Variants in TMTC3 observed in about 807,000 individuals in gnomAD.
TMTC3 encodes protein O-mannosyl-transferase TMTC3.
TMTC3 carries 52 observed loss-of-function variants against 92.2 expected under a neutral mutation model. The ratio of observed to expected loss-of-function variants is 0.56; its 90% confidence interval spans 0.45 to 0.71. The LOEUF (loss-of-function observed/expected upper bound fraction) is 0.71, where lower values mean the gene tolerates loss of function less well. Ranked by LOEUF, TMTC3 falls within the 30% of genes least tolerant of loss-of-function variation. The probability of loss-of-function intolerance (pLI) is 0.00; values close to 1 mark genes in which losing one functional copy is unlikely to be tolerated. For missense variants in TMTC3, 896 were observed against 1,057.1 expected, an observed-to-expected ratio of 0.85 and a Z score of 2.11; for synonymous variants, 339 against 363.3, an observed-to-expected ratio of 0.93 and a Z score of 0.76.
intron 4 of TMTC3, among the ~76,000 whole-genome samples, chr12:88,156,811 GTTT>G (rs56284816): frequency 7.3e-6 from 1 of 136,754 alleles, no homozygotes; most frequent in African/African-American, 2.7e-5. Context: ...GTGTGTGTGT[GTTT>G]TTTTTTTTTT....
intron 1 of TMTC3, among the ~76,000 whole-genome samples, chr12:88,144,223 A>C (rs2040843548): frequency 6.6e-6 from 1 of 152,180 alleles, no homozygotes; most frequent in Non-Finnish European, 1.5e-5. Context: ...AATGCAGCCC[A>C]GTAGGTCTCA....
chr12:88,152,780 G>T (rs2040958536), intron 2 of TMTC3, among the ~76,000 whole-genome samples: 1 of 152,102 alleles, frequency 6.6e-6, no homozygotes, highest in Non-Finnish European at 1.5e-5. Flanking sequence ...AATATATTCA[G>T]ATTTACACAT....
At position 88,177,199 on chromosome 12, in the gene TMTC3, G is replaced by A. The variant is rs559179758; in HGVS notation, c.1432+880G>A. Among the ~76,000 whole-genome samples, 9 of 151,972 alleles carry A rather than the reference G, an allele frequency of 5.9e-5. No homozygotes were observed. In the South Asian group the frequency reaches 1.2e-3, roughly 21 times the overall value. The stretch of plus-strand genomic sequence containing the variant: ...AAATTAGCCAGGTATTGTGGTGGGC[G>A]CCTGTAATTCCAGCTACTTAGGTGG... On this transcript the variant is annotated intron_variant, in intron 10 of 13. Transcript: ENST00000266712.
At chr12:88,192,567 ATGT>A (rs1565960072) in intron 12 of TMTC3, 34 bp from the exon 13 acceptor site, 13 of 1,489,174 alleles carry the variant, frequency 8.7e-6, no homozygotes, top group African/African-American at 4.2e-5. Context: ...TGAGATGGTA[ATGT>A]TGTAAGTAAA....
intron 4 of TMTC3, among the ~76,000 whole-genome samples, chr12:88,159,007 G>C (rs1024268858): frequency 2.0e-5 from 3 of 149,222 alleles, no homozygotes; most frequent in Non-Finnish European, 4.4e-5. Flanking sequence ...AACTGAGACC[G>C]TGCCATTGCA....
intron 11 of TMTC3, among the ~76,000 whole-genome samples, chr12:88,189,846 G>T (rs1351713328): frequency 6.6e-6 from 1 of 151,940 alleles, no homozygotes; most frequent in African/African-American, 2.4e-5. Context: ...GAGACTTCCA[G>T]TGAACACAAT....
chr12:88,195,551 C>T lies in TMTC3; in HGVS notation c.2647C>T (p.Pro883Ser). The change falls in exon 14 of 14, where the codon CCC (proline) becomes TCC (serine). Residue 883 changes from proline to serine, a missense_variant. Transcript: ENST00000266712. Reference protein sequence around the residue: ...QLGKNGDEETPHKTTKDIKEI... With the variant: ...QLGKNGDEETSHKTTKDIKEI... Reference sequence around the variant, plus strand: ...AGGAAAAAATGGAGACGAAGAGACACCCCACAAAACAACAAAAGACATCAA... The same window carrying T: ...AGGAAAAAATGGAGACGAAGAGACATCCCACAAAACAACAAAAGACATCAA... 6.2e-7 allele frequency: 1 copy of T among 1,612,818 alleles called. No individual in the cohort carries two copies.
chr12:88,147,519 T>G (rs985461330), intron 1 of TMTC3, among the ~76,000 whole-genome samples: 1 of 152,164 alleles, frequency 6.6e-6, no homozygotes, highest in Non-Finnish European at 1.5e-5. Flanking sequence ...TCTTTGTTTC[T>G]TAATATACTG....
chr12:88,159,506 A>G (rs1169548879), intron 4 of TMTC3, among the ~76,000 whole-genome samples: 3 of 151,906 alleles, frequency 2.0e-5, no homozygotes, highest in South Asian at 2.1e-4. Flanking sequence ...ACAGAAATAA[A>G]AAAAAAAATA....
intron 6 of TMTC3, among the ~76,000 whole-genome samples, chr12:88,164,635 C>T (rs1592732606): frequency 6.6e-6 from 1 of 152,140 alleles, no homozygotes; most frequent in East Asian, 1.9e-4. Context: ...TTCATTTCAC[C>T]TGACTTGGCT....
chr12:88,160,370 T>G, intron 5 of TMTC3, 141 bp downstream of exon 5: 1 of 579,804 alleles, frequency 1.7e-6, no homozygotes, highest in Non-Finnish European at 2.8e-6. Flanking sequence ...AAATCATGTT[T>G]TATCCTCATA....
At chr12:88,173,012 T>A (rs1461809479) in intron 8 of TMTC3, 2 of 1,370,538 alleles carry the variant, frequency 1.5e-6, no homozygotes, top group Non-Finnish European at 9.6e-7. Context: ...AAAACAAGGA[T>A]GTTACTGAGA....
Position 88,188,960 on chromosome 12 carries a change from A to G in TMTC3, c.1536+14A>G. The G allele has an allele frequency of 7.0e-7, 1 of 1,419,068 alleles. No individual in the cohort carries two copies. The highest frequency in any genetic ancestry group is 1.2e-5 in the South Asian group (1 of 83,192). 87.9% of individuals were successfully genotyped at this position (1,419,068 alleles called of 1,614,324 possible). On this transcript the variant is annotated intron_variant, in intron 11 of 13. Transcript: ENST00000266712. The stretch of plus-strand genomic sequence containing the variant: ...CTGATGCCTCAAGTAAGTTGCCATA[A>G]TTTATCTATTGTGTCATATCTATTA...
intron 7 of TMTC3, among the ~76,000 whole-genome samples, chr12:88,172,055 A>ATTGT (rs1219068669): frequency 6.6e-6 from 1 of 151,904 alleles, no homozygotes; most frequent in Non-Finnish European, 1.5e-5. Flanking sequence ...TTTTCTTATG[A>ATTGT]TTGTTTGAGT....
At chr12:88,147,269 T>C (rs1338622414) in intron 1 of TMTC3, among the ~76,000 whole-genome samples, 1 of 152,100 alleles carries the variant, frequency 6.6e-6, no homozygotes, top group African/African-American at 2.4e-5. Context: ...TTCTATTAAT[T>C]TTAAACTTTC....
chr12:88,192,028 C>CTTTTTTTTTTTTT (rs112229647), intron 12 of TMTC3, among the ~76,000 whole-genome samples: 1 of 123,032 alleles, frequency 8.1e-6, no homozygotes, highest in African/African-American at 3.0e-5. Flanking sequence ...TTTTTTTTTT[C>CTTTTTTTTTTTTT]TTTTTTTTTT....
intron 4 of TMTC3, among the ~76,000 whole-genome samples, chr12:88,154,808 TC>T (rs2040986077): frequency 6.6e-6 from 1 of 152,210 alleles, no homozygotes; most frequent in South Asian, 2.1e-4. Flanking sequence ...TGTGTGTTGA[TC>T]ATAGCTATTT....
chr12:88,160,227 G>A lies in TMTC3; in HGVS notation c.622G>A (p.Gly208Arg), dbSNP rs1487336258. ...TGTGTATGAAGTGTTTATTGCCCAGGGGGTAAGCCAAACTATAAATATATA... is the reference window on the plus strand; with the variant it reads ...TGTGTATGAAGTGTTTATTGCCCAGAGGGTAAGCCAAACTATAAATATATA... ...CCVYEVFIAQ[G>R]YTLPLLCTTA... is the part of the protein sequence containing the mutation. Residue 208 changes from glycine (G) to arginine (R), a missense_variant and splice_region_variant, in exon 5 of 14, where the codon GGG becomes AGG. By Grantham distance (125) the Gly-to-Arg change is moderately radical. Coordinates refer to ENST00000266712, the MANE Select transcript of TMTC3 (RefSeq NM_181783.4). 1.3e-5 allele frequency: 20 copies of A among 1,498,520 alleles called. No homozygotes were observed. The highest frequency in any genetic ancestry group is 1.8e-5 in the Non-Finnish European group (20 of 1,124,690). 92.8% of individuals were successfully genotyped at this position (1,498,520 alleles called of 1,614,324 possible).
At chr12:88,173,163 C>T in intron 8 of TMTC3, 1 of 1,087,948 alleles carries the variant, frequency 9.2e-7, no homozygotes, top group Non-Finnish European at 1.2e-6. Context: ...TCATCACTAT[C>T]TTCATTATAA....
Sources: gnomAD v4.1 joint callset for allele counts (sites outside exome capture counted in the v4.1 genomes callset) on GRCh38, gnomAD v4.1.1 for gene constraint, MANE v1.5 for transcripts, NCBI Gene and HGNC (gene_info 2026-07-23, HGNC 2026-07-21) for gene names.